The following SPTB variants were observed in gnomAD, a reference collection of about 807,000 sequenced individuals.
SPTB encodes spectrin beta chain, erythrocytic.
Under a neutral mutation model 256.2 loss-of-function variants are expected in SPTB, and 45 were observed. The observed-to-expected ratio is 0.18, with a 90% CI of 0.14 to 0.23. The LOEUF (loss-of-function observed/expected upper bound fraction) is 0.23, where lower values mean the gene tolerates loss of function less well. SPTB is among the 10% of genes least tolerant of loss of function. The pLI is 1.00. For missense variants in SPTB, 2,715 were observed against 3,040.4 expected (o/e 0.89, Z 2.52); for synonymous variants, 1,231 against 1,243.1 (o/e 0.99, Z 0.21).
intron 32 of SPTB, among the ~76,000 whole-genome samples, chr14:64,765,700 G>A (rs1479019821): frequency 6.6e-6 from 1 of 152,236 alleles, no homozygotes; most frequent in African/African-American, 2.4e-5. Flanking sequence ...AAGAGGAGAG[G>A]GCTCTGCATA....
intron 1 of SPTB, among the ~76,000 whole-genome samples, chr14:64,862,611 C>G (rs559540653): frequency 1.3e-5 from 2 of 152,152 alleles, no homozygotes; most frequent in East Asian, 3.9e-4. Flanking sequence ...CGGTGCCTCA[C>G]AACTGTAATC....
rs1304303880 is a variant in SPTB, at chr14:64,807,022, A to T, written c.149-1932T>A. On this transcript the variant is annotated intron_variant, in intron 2 of 35. Transcript: ENST00000644917. The surrounding 1 kb of genome is among the most constrained non-coding windows in gnomAD (Gnocchi z 4.7). ...TCAAATGCTGCTTCAGCGAAATGTAACTAAAGGGAGTTTGATGCCATACTG... is the reference window on the plus strand; with the variant it reads ...TCAAATGCTGCTTCAGCGAAATGTATCTAAAGGGAGTTTGATGCCATACTG... Among the ~76,000 whole-genome samples the T allele has an allele frequency of 5.9e-5, 9 of 152,352 alleles. No homozygotes were observed. In the East Asian group the frequency reaches 1.7e-3, roughly 29 times the overall value.
chr14:64,759,305 C>A lies in SPTB; in HGVS notation c.6346-5512G>T, dbSNP rs1011705131. 1.3e-5 allele frequency among the ~76,000 whole-genome samples: 2 copies of A among 152,214 alleles called. No homozygotes were observed. The highest frequency in any genetic ancestry group is 1.9e-4 in the East Asian group (1 of 5,192). ...CCACCCATGACCCCCTGGCTGCGAA[C>A]CTGCAGTGGGAGGCCTGTGGCCCTG... On this transcript the variant is annotated intron_variant, in intron 32 of 35. Coordinates refer to ENST00000644917, the MANE Select transcript of SPTB (RefSeq NM_001355436.2). The surrounding 1 kb of genome is among the most constrained non-coding windows in gnomAD (Gnocchi z 4.8).
intron 1 of SPTB, among the ~76,000 whole-genome samples, chr14:64,862,622 C>T (rs1287820153): frequency 1.3e-5 from 2 of 151,940 alleles, no homozygotes; most frequent in Non-Finnish European, 2.9e-5. Flanking sequence ...AACTGTAATC[C>T]CAGCACTTTG....
At chr14:64,840,691 C>A (rs746767611) in intron 1 of SPTB, among the ~76,000 whole-genome samples, 1 of 152,188 alleles carries the variant, frequency 6.6e-6, no homozygotes, top group Non-Finnish European at 1.5e-5. Context: ...CCTTTCTTCA[C>A]CATCCCTTCA....
chr14:64,819,695 G>A (rs1594811531), intron 2 of SPTB, among the ~76,000 whole-genome samples: 1 of 152,170 alleles, frequency 6.6e-6, no homozygotes, highest in Non-Finnish European at 1.5e-5. Flanking sequence ...GCAAAGGAGG[G>A]TGGGGGTTAA....
chr14:64,788,736 G>A (rs2139575920), intron 15 of SPTB, among the ~76,000 whole-genome samples: 1 of 152,308 alleles, frequency 6.6e-6, no homozygotes. Context: ...ACTGGAGCTT[G>A]GGTCTAGTCT....
chr14:64,793,030 T>C lies in SPTB; in HGVS notation c.2633A>G (p.Asp878Gly). ...EKWLAEMEMP[D>G]TLEDLEVVQH... ...CACGACCTCCAGGTCCTCCAGGGTG[T>C]CTGGCATTTCCATCTCGGCCAGCCA... The change falls in exon 14 of 36, where the codon GAC (aspartate) becomes GGC (glycine). Residue 878 changes from aspartate (D) to glycine (G), a missense_variant. Coordinates refer to ENST00000644917, the MANE Select transcript of SPTB (RefSeq NM_001355436.2). This position sits in a 1 kb window ranked among gnomAD's most constrained non-coding sequence, Gnocchi z 7.0. 6.2e-7 allele frequency: 1 copy of C among 1,613,986 alleles called. No individual in the cohort carries two copies. The highest frequency in any genetic ancestry group is 8.5e-7 in the Non-Finnish European group (1 of 1,180,040).
intron 1 of SPTB, among the ~76,000 whole-genome samples, chr14:64,828,786 G>C (rs925840754): frequency 1.3e-5 from 2 of 152,148 alleles, no homozygotes; most frequent in Non-Finnish European, 2.9e-5. Context: ...TATTCCATGA[G>C]GACTTTTGTA....
intron 2 of SPTB, among the ~76,000 whole-genome samples, chr14:64,819,581 G>T (rs2083254146): frequency 6.6e-6 from 1 of 152,188 alleles, no homozygotes; most frequent in South Asian, 2.1e-4. Flanking sequence ...TCATCTCATG[G>T]GCATCAGGTC....
chr14:64,780,207 G>A (rs1456519623), intron 20 of SPTB, among the ~76,000 whole-genome samples: 4 of 152,194 alleles, frequency 2.6e-5, no homozygotes, highest in Admixed American at 2.0e-4. Context: ...AGCAAGTCCA[G>A]TTAAGAGGAA....
Position 64,773,236 on chromosome 14 carries a change from T to C in SPTB, c.5162A>G (p.Asp1721Gly). 6.2e-7 allele frequency: 1 copy of C among 1,614,204 alleles called. No individual in the cohort carries two copies. Among genetic ancestry groups the C allele is most frequent in the Non-Finnish European group, 8.5e-7 (1 of 1,180,050 alleles). Residue 1721 changes from aspartate (D) to glycine (G), a missense_variant, in exon 25 of 36, where the codon GAC (aspartate) becomes GGC (glycine). Asp to Gly is a moderately conservative substitution (Grantham distance 94). Transcript: ENST00000644917. ...LVASSPEMGQ[D>G]FDHVTLLRDK... ...GCTACTCACAGTCACGTGGTCAAAGTCTTGCCCCATTTCCGGGGAAGAGGC... is the reference window on the plus strand; with the variant it reads ...GCTACTCACAGTCACGTGGTCAAAGCCTTGCCCCATTTCCGGGGAAGAGGC...
At chr14:64,838,141 CA>C (rs1054902020) in intron 1 of SPTB, among the ~76,000 whole-genome samples, 1 of 152,082 alleles carries the variant, frequency 6.6e-6, no homozygotes, top group Non-Finnish European at 1.5e-5. Flanking sequence ...AACAGAGGTA[CA>C]AAAACAACTT....
At position 64,795,488 on chromosome 14, in the gene SPTB, C is replaced by T. The variant is rs140796444; in HGVS notation, c.1493G>A (p.Arg498His). 42 of 1,614,034 alleles carry T rather than the reference C, an allele frequency of 2.6e-5. No individual in the cohort carries two copies. The highest frequency in any genetic ancestry group is 2.0e-4 in the Admixed American group (12 of 59,996). Reference sequence around the variant, plus strand: ...TATATTGTCCTTGCGGGCCGTGATGCGCTTCTGGTCATGGTAGTTCTCTTT... The same window carrying T: ...TATATTGTCCTTGCGGGCCGTGATGTGCTTCTGGTCATGGTAGTTCTCTTT... ...LEKENYHDQK[R>H]ITARKDNILR... Residue 498 changes from arginine (R) to histidine (H), a missense_variant, in exon 12 of 36, where the codon CGC (arginine) becomes CAC (histidine). Transcript: ENST00000644917. This position sits in a 1 kb window ranked among gnomAD's most constrained non-coding sequence, Gnocchi z 6.5.
chr14:64,782,318 C>A lies in SPTB; in HGVS notation c.4238G>T (p.Ser1413Ile). 6.2e-7 allele frequency: 1 copy of A among 1,614,252 alleles called. No individual in the cohort carries two copies. Among genetic ancestry groups the A allele is most frequent in the Non-Finnish European group, 8.5e-7 (1 of 1,180,046 alleles). ...CAGCTTAGCCAACATCCGATTGACA[C>A]TGGTCAGGTCCTTGCCCGGGTCGTC... ...RSDDPGKDLT[S>I]VNRMLAKLKR... The change falls in exon 20 of 36, where the codon AGT becomes ATT. Residue 1413 changes from serine (S) to isoleucine (I), a missense_variant. Coordinates refer to ENST00000644917, the MANE Select transcript of SPTB (RefSeq NM_001355436.2).
intron 24 of SPTB, among the ~76,000 whole-genome samples, 176 bp downstream of exon 24, chr14:64,774,221 A>T (rs901764373): frequency 6.6e-6 from 1 of 152,226 alleles, no homozygotes; most frequent in East Asian, 1.9e-4. Context: ...TGATTCACAC[A>T]AAACCAAGGC....
At chr14:64,836,127 A>C (rs2083518430) in intron 1 of SPTB, among the ~76,000 whole-genome samples, 1 of 152,222 alleles carries the variant, frequency 6.6e-6, no homozygotes, top group Admixed American at 6.5e-5. Flanking sequence ...CCTTAGCCAT[A>C]AAATCTTCCC....
intron 32 of SPTB, chr14:64,756,898 CA>C (rs1304744922): frequency 6.6e-6 from 1 of 152,260 alleles, no homozygotes; most frequent in Non-Finnish European, 1.5e-5. Flanking sequence ...GCATTGGCCA[CA>C]AGGATCTGGA....
In SPTB at chr14:64,749,477, C is replaced by T. The variant is rs755876044; in HGVS notation, c.6820-4G>A. 48 of 1,599,318 alleles carry T rather than the reference C, an allele frequency of 3.0e-5. No homozygotes were observed. The highest frequency in any genetic ancestry group is 1.7e-4 in the Middle Eastern group (1 of 5,802). On this transcript the variant is annotated splice_polypyrimidine_tract_variant and splice_region_variant and intron_variant, in intron 35 of 35. Coordinates refer to ENST00000644917, the MANE Select transcript of SPTB (RefSeq NM_001355436.2). The surrounding 1 kb of genome is among the most constrained non-coding windows in gnomAD (Gnocchi z 4.7). ...GCAGCCAGGACAGCATCTCCTCCTG[C>T]GGGGCGGAGGGTCACGGTGGAGTCT...
Sources: gnomAD v4.1 joint callset for allele counts (sites outside exome capture counted in the v4.1 genomes callset) on GRCh38, gnomAD v4.1.1 for gene constraint, Gnocchi (gnomAD v3.1) non-coding constraint, MANE v1.5 for transcripts, NCBI Gene and HGNC (gene_info 2026-07-23, HGNC 2026-07-21) for gene names.